Variants in LILRB3 observed in about 807,000 individuals in gnomAD.
LILRB3 encodes the protein leukocyte immunoglobulin-like receptor subfamily B member 3.
In LILRB3, 32 loss-of-function variants were observed where a neutral mutation model predicts 68.2. The ratio of observed to expected loss-of-function variants is 0.47; its 90% CI spans 0.35 to 0.63. The LOEUF is 0.63. Among genes scored for constraint, LILRB3 ranks in the 30% least tolerant of loss-of-function variants. LILRB3 has a pLI of 0.00. For missense variants in LILRB3, 502 were observed against 791.3 expected, an observed-to-expected ratio of 0.63 and a Z score of 4.39; for synonymous variants, 185 against 323.1, an observed-to-expected ratio of 0.57 and a Z score of 4.58.
In LILRB3 at chr19:54,217,090, G is replaced by A. The variant is rs182037924; in HGVS notation, c.*3C>T. 118 of 1,614,092 alleles carry A rather than the reference G, an allele frequency of 7.3e-5. No homozygotes were observed. The Middle Eastern group carries it at 3.6e-3, about 50-fold the overall frequency. ...TGAGTGTGGGGTCTGCGTACCCCCC[G>A]GGCTAGTGGATGGCCAGAGTGGCGT... On this transcript the variant is annotated 3_prime_UTR_variant, in exon 13 of 13. Coordinates refer to ENST00000445347, the Ensembl canonical transcript of LILRB3.
chr19:54,222,492 G>A (rs1470331741), exon 3 of LILRB3: 141 of 1,609,128 alleles, frequency 8.8e-5, no homozygotes, highest in Non-Finnish European at 1.1e-4. Context: ...CCTGACACCA[G>A]ATGGTCACGG....
At chr19:54,218,710 G>A (rs1041671125) in intron 9 of LILRB3, 28 bp from the exon 10 acceptor site, 3 of 1,614,160 alleles carry the variant, frequency 1.9e-6, no homozygotes, top group Non-Finnish European at 2.5e-6. Flanking sequence ...AGTGTGAGGG[G>A]CAGTGTATGG....
chr19:54,217,472 G>A (rs1156906761), exon 12 of LILRB3: 1 of 1,607,974 alleles, frequency 6.2e-7, no homozygotes, highest in South Asian at 1.1e-5. Context: ...CATCGTGTGG[G>A]CTCTGCTGGA....
chr19:54,219,324 T>C, intron 7 of LILRB3, 79 bp from the exon 8 acceptor site: 1 of 1,499,998 alleles, frequency 6.7e-7, no homozygotes, highest in Non-Finnish European at 9.0e-7. Context: ...GCCAGGTCTT[T>C]CCTTCGTGAC....
intron 10 of LILRB3, 107 bp downstream of exon 10, chr19:54,218,538 C>T (rs2077721668): frequency 5.6e-6 from 9 of 1,602,860 alleles, no homozygotes; most frequent in South Asian, 5.6e-5. Context: ...GGGGCAAGAC[C>T]ATCTTCCACG....
chr19:54,216,589 C>G, exon 13 of LILRB3: 1 of 1,004,934 alleles, frequency 1.0e-6, no homozygotes, highest in Non-Finnish European at 1.2e-6. Flanking sequence ...AGATTATAGG[C>G]GTGAGCCACC....
rs368764058 is a variant in LILRB3, at chr19:54,217,175, C to T, written c.1814G>A (p.Arg605Gln). 1.5e-5 allele frequency: 25 copies of T among 1,613,458 alleles called. No homozygotes were observed. The East Asian group carries it at 1.6e-4, about 10-fold the overall frequency. Reference sequence around the variant, plus strand: ...GGATGGAGGAGGCTCAGTTGCCTTCCGTCTAAGGGTCAAGCTGTGCAGCTG... The same window carrying T: ...GGATGGAGGAGGCTCAGTTGCCTTCTGTCTAAGGGTCAAGCTGTGCAGCTG... The change falls in exon 13 of 13, where the codon CGG becomes CAG. Residue 605 changes from arginine (R) to glutamine (Q), a missense_variant. Arg to Gln is a conservative substitution (Grantham distance 43). This residue lies in a region of LILRB3 where 267 missense variants were observed against 245.5 expected (regional missense o/e 1.09). Coordinates refer to ENST00000445347, the Ensembl canonical transcript of LILRB3.
exon 12 of LILRB3, chr19:54,217,329 A>G (rs2077572078): frequency 6.3e-7 from 1 of 1,587,568 alleles, no homozygotes; most frequent in Non-Finnish European, 8.6e-7. Flanking sequence ...CTCAGTGTCC[A>G]TCTGCCTGTC....
At chr19:54,218,315 C>T in intron 11 of LILRB3, 46 bp downstream of exon 11, 1 of 1,611,764 alleles carries the variant, frequency 6.2e-7, no homozygotes, top group Non-Finnish European at 8.5e-7. Context: ...AGGATTAGAT[C>T]TGGCACCAGG....
exon 3 of LILRB3, chr19:54,222,480 C>G: frequency 1.2e-6 from 2 of 1,607,924 alleles, no homozygotes; most frequent in Non-Finnish European, 1.7e-6. Context: ...CCTCCAGGCT[C>G]CCCTGACACC....
exon 4 of LILRB3, chr19:54,221,898 G>A (rs1210362536): frequency 3.2e-6 from 5 of 1,552,390 alleles, no homozygotes; most frequent in Non-Finnish European, 3.5e-6. Flanking sequence ...AATAGTAATA[G>A]CATGTGAACC....
At chr19:54,217,276 G>A (rs1415221083) in intron 12 of LILRB3, 37 bp from the exon 13 acceptor site, 1 of 1,593,944 alleles carries the variant, frequency 6.3e-7, no homozygotes, top group South Asian at 1.1e-5. Context: ...GGAACGTGGT[G>A]GGGGTGGGGG....
intron 11 of LILRB3, 74 bp from the exon 12 acceptor site, chr19:54,217,548 T>C (rs972712300): frequency 1.5e-5 from 23 of 1,516,620 alleles, no homozygotes; most frequent in Non-Finnish European, 2.0e-5. Context: ...TCCTCACTGT[T>C]CCCGGGGTGA....
chr19:54,219,425 T>A (rs2077847984), intron 7 of LILRB3, 180 bp from the exon 8 acceptor site: 1 of 1,493,992 alleles, frequency 6.7e-7, no homozygotes, highest in African/African-American at 1.4e-5. Context: ...GAGCAGGGAG[T>A]CGCCTGCCCC....
rs750955385 is a variant in LILRB3, at chr19:54,218,837, G to T, written c.1428C>A (p.Asp476Glu). 2.5e-6 allele frequency: 4 copies of T among 1,613,914 alleles called. No individual in the cohort carries two copies. The South Asian group carries it at 3.3e-5, about 13-fold the overall frequency. ...GACGCTGGAAATCAGTCTTTCTCTG[G>T]TCTGGGTGAAGATGGACAGAGTCTC... Residue 476 changes from aspartate to glutamate, a missense_variant and splice_region_variant, in exon 9 of 13, where the codon GAC (aspartate) becomes GAA (glutamate). Asp to Glu is a conservative substitution (Grantham distance 45). Around this residue, in one of 8 missense-constraint regions of LILRB3, gnomAD observed 267 missense variants for 245.5 expected, o/e 1.09. Coordinates refer to ENST00000445347, the Ensembl canonical transcript of LILRB3.
At chr19:54,219,859 C>G (rs1213498059) in intron 7 of LILRB3, 1 of 1,549,014 alleles carries the variant, frequency 6.5e-7, no homozygotes, top group African/African-American at 1.4e-5. Flanking sequence ...ACTCAGAGCC[C>G]CTCACTCACC....
Position 54,219,253 on chromosome 19 carries a change from T to A in LILRB3, c.1310-8A>T, listed in dbSNP as rs776967742. On this transcript the variant is annotated splice_region_variant and splice_polypyrimidine_tract_variant and intron_variant, in intron 7 of 12. Transcript: ENST00000445347. Reference sequence around the variant, plus strand: ...CCAGGTATCTTCCCAGACCTTGACATGAGGACGTCAGGAGTGGGAATGATG... The same window carrying A: ...CCAGGTATCTTCCCAGACCTTGACAAGAGGACGTCAGGAGTGGGAATGATG... The A allele has an allele frequency of 1.4e-5, 21 of 1,549,624 alleles. No individual in the cohort carries two copies. The highest frequency in any genetic ancestry group is 1.8e-5 in the Non-Finnish European group (21 of 1,149,224).
At position 54,218,473 on chromosome 19, in the gene LILRB3, GC is replaced by G. The variant is rs903243659; in HGVS notation, c.1541-61del. On this transcript the variant is annotated intron_variant, in intron 10 of 12. Transcript: ENST00000445347. ...TCTCTGAGACCTCTCAGTCCTGCTGGCCCCCTGCCCTGCTCCCAGATGGGGC... is the reference window on the plus strand; with the variant it reads ...TCTCTGAGACCTCTCAGTCCTGCTGGCCCCTGCCCTGCTCCCAGATGGGGC... 8 of 1,609,440 alleles carry G rather than the reference GC, an allele frequency of 5.0e-6. No individual in the cohort carries two copies. In the African/African-American group the frequency reaches 1.1e-4, roughly 21 times the overall value.
chr19:54,222,990 G>T (rs772237224), exon 1 of LILRB3: 7 of 1,612,352 alleles, frequency 4.3e-6, no homozygotes, highest in South Asian at 1.1e-5. Context: ...GTCTCCTCCC[G>T]GTGACCCCGC....
Sources: allele counts gnomAD v4.1 joint callset, GRCh38; gene constraint gnomAD v4.1.1; regional missense constraint gnomAD v4.1.1; transcripts MANE v1.5; gene names NCBI Gene and HGNC (gene_info 2026-07-23, HGNC 2026-07-21).